BNIP2: variants seen among roughly 807,000 people sequenced by gnomAD.
The protein encoded by BNIP2 is BCL2 interacting protein 2.
A neutral mutation model predicts 43.4 loss-of-function variants in BNIP2; 36 were observed. The ratio of observed to expected loss-of-function variants is 0.83; its 90% CI spans 0.64 to 1.10. The LOEUF is 1.10. Ranked by LOEUF, BNIP2 falls within the 50% of genes least tolerant of loss-of-function variation. BNIP2 has a pLI of 0.00. For missense variants in BNIP2, 417 were observed against 374.1 expected, an observed-to-expected ratio of 1.11 and a Z score of -0.95; for synonymous variants, 146 against 121.0, an observed-to-expected ratio of 1.21 and a Z score of -1.35.
At chr15:59,671,146 T>C in intron 7 of BNIP2, 37 bp downstream of exon 7, 3 of 1,510,042 alleles carry the variant, frequency 2.0e-6, no homozygotes, top group Non-Finnish European at 1.8e-6. Flanking sequence ...CATTATAAAA[T>C]TTTTTCAGAC....
rs1167452704 is a variant in BNIP2, at chr15:59,664,123, G to A, written c.894-3C>T. ...TTCCATTAAGTTCTTGATCAACTCT[G>A]TTTAATGAAGAATATATAAAATAAG... On this transcript the variant is annotated splice_polypyrimidine_tract_variant and splice_region_variant and intron_variant, in intron 9 of 9. Coordinates refer to ENST00000607373, the MANE Select transcript of BNIP2 (RefSeq NM_004330.4). 2 of 1,519,326 alleles carry A rather than the reference G, an allele frequency of 1.3e-6. No individual in the cohort carries two copies. Among genetic ancestry groups the A allele is most frequent in the Admixed American group, 2.1e-5 (1 of 47,366 alleles). The allele number at this position is 1,519,326 out of a possible 1,614,324, so 94.1% of individuals were successfully genotyped here.
Position 59,689,121 on chromosome 15 carries a change from C to T in BNIP2, c.-58+14G>A. ...CCGGAGCCACCGTGCCGAGTTCTCC[C>T]AGGCCGCACTCACCCCGGAGGAAGC... On this transcript the variant is annotated intron_variant, in intron 1 of 9. Transcript: ENST00000607373. 1 of 1,534,136 alleles carries T rather than the reference C, an allele frequency of 6.5e-7. No homozygotes were observed. The highest frequency in any genetic ancestry group is 8.7e-7 in the Non-Finnish European group (1 of 1,145,304).
At chr15:59,672,538 C>G in intron 6 of BNIP2, 99 bp downstream of exon 6, 1 of 866,684 alleles carries the variant, frequency 1.2e-6, no homozygotes, top group Non-Finnish European at 1.8e-6. Context: ...TCCCAAAGAA[C>G]TGGAATATTT....
chr15:59,680,731 C>A (rs1893614802), intron 2 of BNIP2, among the ~76,000 whole-genome samples: 1 of 152,160 alleles, frequency 6.6e-6, no homozygotes, highest in African/African-American at 2.4e-5. Context: ...TCTCAGCCTT[C>A]TGAGTAGCTA....
At position 59,671,183 on chromosome 15, in the gene BNIP2, C is replaced by T. The variant is rs1892880982; in HGVS notation, c.707G>A (p.Arg236Lys). 1 of 1,590,720 alleles carries T rather than the reference C, an allele frequency of 6.3e-7. No individual in the cohort carries two copies. Among genetic ancestry groups the T allele is most frequent in the Non-Finnish European group, 8.6e-7 (1 of 1,167,254 alleles). ...LRKCYQQIDRRLRKNLKSLII... is the reference protein window; with the variant it reads ...LRKCYQQIDRKLRKNLKSLII... ...AGCTTTCAACTTGTATTTGTATTAC[C>T]TTCTATCAATTTGCTGATAACATTT... The change falls in exon 7 of 10, where the codon AGG (arginine) becomes AAG (lysine). Residue 236 changes from arginine (R) to lysine (K), a missense_variant and splice_region_variant. By Grantham distance (26) the Arg-to-Lys change is conservative (BLOSUM62 2). Transcript: ENST00000607373.
intron 5 of BNIP2, among the ~76,000 whole-genome samples, chr15:59,676,099 G>T (rs1422631585): frequency 3.3e-5 from 5 of 152,160 alleles, no homozygotes; most frequent in Admixed American, 1.3e-4. Context: ...TAAGATCAGA[G>T]CATTTCACTG....
At chr15:59,671,942 G>A (rs143032436) in intron 6 of BNIP2, among the ~76,000 whole-genome samples, 8 of 152,286 alleles carry the variant, frequency 5.3e-5, no homozygotes, top group African/African-American at 1.9e-4. Context: ...AGGATGTGGT[G>A]ACATGTGCCT....
At chr15:59,676,372 T>C (rs1339884585) in intron 5 of BNIP2, among the ~76,000 whole-genome samples, 2 of 151,974 alleles carry the variant, frequency 1.3e-5, no homozygotes, top group East Asian at 1.9e-4. Context: ...TTTTATTTTT[T>C]TGTGGAGACG....
intron 7 of BNIP2, 81 bp from the exon 8 acceptor site, chr15:59,669,443 A>G: frequency 2.9e-6 from 3 of 1,037,704 alleles, no homozygotes; most frequent in Non-Finnish European, 2.7e-6. Flanking sequence ...TTTATACAAA[A>G]TAATAGTTGA....
intron 1 of BNIP2, among the ~76,000 whole-genome samples, chr15:59,684,571 G>A (rs1893896160): frequency 6.6e-6 from 1 of 152,146 alleles, no homozygotes; most frequent in Admixed American, 6.5e-5. Context: ...GCTCAAGTGA[G>A]ACCAAAGCAT....
intron 5 of BNIP2, among the ~76,000 whole-genome samples, chr15:59,675,338 C>T (rs1312020599): frequency 4.0e-5 from 6 of 151,814 alleles, no homozygotes; most frequent in Admixed American, 2.6e-4. Context: ...GGGCCGGGCA[C>T]GGTGGCTCAT....
At chr15:59,666,816 G>C (rs1312247089) in intron 9 of BNIP2, among the ~76,000 whole-genome samples, 1 of 124,712 alleles carries the variant, frequency 8.0e-6, no homozygotes, top group Non-Finnish European at 1.7e-5. Flanking sequence ...TCTATTTATG[G>C]TTAAACACAA....
intron 5 of BNIP2, among the ~76,000 whole-genome samples, chr15:59,674,956 A>G: frequency 6.6e-6 from 1 of 152,186 alleles, no homozygotes; most frequent in Non-Finnish European, 1.5e-5. Context: ...GTTCTCTATT[A>G]AAAAATAATT....
intron 5 of BNIP2, among the ~76,000 whole-genome samples, chr15:59,674,189 C>T (rs576234100): frequency 6.6e-6 from 1 of 151,402 alleles, no homozygotes; most frequent in African/African-American, 2.4e-5. Flanking sequence ...TATGTTTCAA[C>T]AGCAGTCTTT....
chr15:59,672,354 G>C (rs1892987836), intron 6 of BNIP2: 4 of 238,366 alleles, frequency 1.7e-5, no homozygotes, highest in Non-Finnish European at 2.4e-5. Context: ...GTTCACTGCA[G>C]CTTTGACCTC....
At chr15:59,676,986 T>C (rs1318056491) in intron 5 of BNIP2, 3 of 1,613,578 alleles carry the variant, frequency 1.9e-6, no homozygotes, top group African/African-American at 1.3e-5. Context: ...TTAGGTCTGC[T>C]TGGTTATCTC....
Position 59,679,702 on chromosome 15 carries a change from A to G in BNIP2, c.185T>C (p.Leu62Pro), listed in dbSNP as rs754350567. The G allele has an allele frequency of 6.2e-7, 1 of 1,604,804 alleles. No individual in the cohort carries two copies. The highest frequency in any genetic ancestry group is 1.7e-5 in the Admixed American group (1 of 57,914). ...KLMAPDISLT[L>P]DPSDGSVLSD... Reference sequence around the variant, plus strand: ...CAATACAGAGCCATCACTAGGATCCAGTGTCAGGCTAATGTCTGGAGCCAT... The same window carrying G: ...CAATACAGAGCCATCACTAGGATCCGGTGTCAGGCTAATGTCTGGAGCCAT... The change falls in exon 4 of 10, where the codon CTG becomes CCG. Residue 62 changes from leucine (L) to proline (P), a missense_variant. Physicochemically the swap from Leu to Pro is moderately conservative, Grantham distance 98. Coordinates refer to ENST00000607373, the MANE Select transcript of BNIP2 (RefSeq NM_004330.4).
intron 1 of BNIP2, among the ~76,000 whole-genome samples, chr15:59,685,381 A>G (rs549103948): frequency 5.3e-5 from 8 of 152,292 alleles, no homozygotes; most frequent in African/African-American, 1.9e-4. Context: ...CCTGCCTGTA[A>G]TCCCAGCTAC....
intron 5 of BNIP2, chr15:59,677,709 C>A (rs1369982261): frequency 1.5e-5 from 17 of 1,144,494 alleles, no homozygotes; most frequent in Non-Finnish European, 1.9e-5. Context: ...TCCATTAGTG[C>A]CCCTTGTGTA....
Sources: gnomAD v4.1 joint callset for allele counts (sites outside exome capture counted in the v4.1 genomes callset) on GRCh38, gnomAD v4.1.1 for gene constraint, MANE v1.5 for transcripts, NCBI Gene and HGNC (gene_info 2026-07-23, HGNC 2026-07-21) for gene names.